ABLIM2: variants seen among roughly 807,000 people sequenced by gnomAD.
The protein encoded by ABLIM2 is actin-binding LIM protein 2.
A neutral mutation model predicts 97.7 loss-of-function variants in ABLIM2; 53 were observed. The observed-to-expected ratio is 0.54, with a 90% CI of 0.44 to 0.68. ABLIM2 has a LOEUF of 0.68. ABLIM2 is among the 30% of genes least tolerant of loss of function. ABLIM2 has a pLI of 0.00. For synonymous variants in ABLIM2, 361 were observed against 345.8 expected, an observed-to-expected ratio of 1.04 and a Z score of -0.49; for missense variants, 835 against 867.2, an observed-to-expected ratio of 0.96 and a Z score of 0.47.
chr4:8,099,014 C>T (rs1002363949), intron 2 of ABLIM2, among the ~76,000 whole-genome samples: 1 of 152,222 alleles, frequency 6.6e-6, no homozygotes, highest in Non-Finnish European at 1.5e-5. Flanking sequence ...CGTTCCGGGG[C>T]GTTTATGAGA....
intron 9 of ABLIM2, among the ~76,000 whole-genome samples, chr4:8,039,882 T>TG (rs1787113565): frequency 7.0e-6 from 1 of 142,130 alleles, no homozygotes; most frequent in Non-Finnish European, 1.5e-5. Flanking sequence ...CTGTTTTTTT[T>TG]TTTTTTTTTT....
chr4:7,974,205 A>C (rs1455210299), intron 20 of ABLIM2, among the ~76,000 whole-genome samples: 3 of 151,782 alleles, frequency 2.0e-5, no homozygotes, highest in Non-Finnish European at 2.9e-5. Flanking sequence ...CCATCCATCC[A>C]CCCACCTACC....
intron 9 of ABLIM2, among the ~76,000 whole-genome samples, chr4:8,039,795 G>C (rs1220933731): frequency 6.6e-6 from 1 of 151,416 alleles, no homozygotes; most frequent in Non-Finnish European, 1.5e-5. Context: ...AGACCTGAAG[G>C]GTATCTCAGA....
chr4:8,080,547 A>T lies in ABLIM2; in HGVS notation c.581+129T>A, dbSNP rs192064371. On this transcript the variant is annotated intron_variant, in intron 5 of 20. Coordinates refer to ENST00000447017, the MANE Select transcript of ABLIM2 (RefSeq NM_001130083.2). ...CATGCTTCTCACCCAGCAGCAGGGC[A>T]GTAGTAGCTGTGTGAGGAATAGGAG... The T allele has an allele frequency of 2.4e-5, 26 of 1,069,782 alleles. No homozygotes were observed. The African/African-American group carries it at 3.8e-4, about 16-fold the overall frequency. The allele number at this position is 1,069,782 out of a possible 1,614,324, so 66.3% of individuals were successfully genotyped here.
chr4:7,983,890 T>C (rs1741128246), intron 18 of ABLIM2, among the ~76,000 whole-genome samples: 1 of 152,252 alleles, frequency 6.6e-6, no homozygotes, highest in African/African-American at 2.4e-5. Flanking sequence ...TTTACCTGCC[T>C]GTACAGCGGG....
chr4:7,983,564 AG>A lies in ABLIM2; in HGVS notation c.1736-11del. On this transcript the variant is annotated splice_polypyrimidine_tract_variant and intron_variant, in intron 18 of 20. Coordinates refer to ENST00000447017, the MANE Select transcript of ABLIM2 (RefSeq NM_001130083.2). ...CCGCTTACCTTGTATTCTGTAAGAG[AG>A]AGAGAGCGGAGACCACGAAATGGTT... 1 of 1,613,178 alleles carries A rather than the reference AG, an allele frequency of 6.2e-7. No homozygotes were observed. The highest frequency in any genetic ancestry group is 1.3e-5 in the African/African-American group (1 of 75,042).
intron 17 of ABLIM2, among the ~76,000 whole-genome samples, chr4:7,985,267 G>A (rs376390497): frequency 5.3e-5 from 8 of 152,292 alleles, no homozygotes; most frequent in African/African-American, 9.6e-5. Flanking sequence ...ATTTCTTTGC[G>A]CACGCTGCGC....
In ABLIM2 at chr4:8,124,430, C is replaced by T. The variant is rs1007037869; in HGVS notation, c.11-17793G>A. ...TTTACTGTCACTCCCGTTTTCCCTC[C>T]GCAGCCCCTGGTAACAACTGGTCTG... is the stretch of plus-strand genomic sequence containing the variant. On this transcript the variant is annotated intron_variant, in intron 1 of 20. Transcript: ENST00000447017. This position sits in a 1 kb window ranked among gnomAD's most constrained non-coding sequence, Gnocchi z 6.1. Among the ~76,000 whole-genome samples the T allele has an allele frequency of 2.2e-4, 33 of 152,284 alleles. No homozygotes were observed. The highest frequency in any genetic ancestry group is 6.2e-4 in the South Asian group (3 of 4,812).
chr4:8,093,866 A>T (rs1234443374), intron 3 of ABLIM2, among the ~76,000 whole-genome samples: 1 of 152,186 alleles, frequency 6.6e-6, no homozygotes, highest in Non-Finnish European at 1.5e-5. Flanking sequence ...GTTCATTGAA[A>T]TACTTGGATT....
At position 8,003,060 on chromosome 4, in the gene ABLIM2, GC is replaced by G. The variant is rs1246312014; in HGVS notation, c.1618+4998del. The stretch of plus-strand genomic sequence containing the variant: ...CAGACAGGGAACTTTGTCTGTTTTG[GC>G]CTCTGCTCTGTCCCCAGCACCCAGG... On this transcript the variant is annotated intron_variant, in intron 16 of 20. Transcript: ENST00000447017. This position sits in a 1 kb window ranked among gnomAD's most constrained non-coding sequence, Gnocchi z 4.2. Among the ~76,000 whole-genome samples, 4 of 152,272 alleles carry G rather than the reference GC, an allele frequency of 2.6e-5. No homozygotes were observed. The East Asian group carries it at 7.7e-4, about 29-fold the overall frequency.
intron 1 of ABLIM2, 24 bp downstream of exon 1, chr4:8,158,656 G>T: frequency 6.7e-7 from 1 of 1,503,656 alleles, no homozygotes. Flanking sequence ...GGGACCCGTT[G>T]GTCCCTCGGT....
At position 8,056,655 on chromosome 4, in the gene ABLIM2, G is replaced by A. The variant is rs536959881; in HGVS notation, c.764-2409C>T. Among the ~76,000 whole-genome samples, 15 of 151,688 alleles carry A rather than the reference G, an allele frequency of 9.9e-5. No homozygotes were observed. The South Asian group carries it at 1.0e-3, about 11-fold the overall frequency. ...TGCTTAAAAATGTCTTGAACAGGCC[G>A]GGTGCTGTGGCTCACACCTGTAATC... is the stretch of plus-strand genomic sequence containing the variant. On this transcript the variant is annotated intron_variant, in intron 7 of 20. Transcript: ENST00000447017.
In ABLIM2 at chr4:8,123,827, AG is replaced by A. The variant is rs1317170243; in HGVS notation, c.11-17191del. Among the ~76,000 whole-genome samples, 2 of 152,052 alleles carry A rather than the reference AG, an allele frequency of 1.3e-5. No individual in the cohort carries two copies. The highest frequency in any genetic ancestry group is 4.8e-5 in the African/African-American group (2 of 41,392). ...GGCTCCACCCGGACAGGCCAAGAGG[AG>A]GGGCAGGAGGTGGCACGGGGTGGGA... On this transcript the variant is annotated intron_variant, in intron 1 of 20. Transcript: ENST00000447017. This position sits in a 1 kb window ranked among gnomAD's most constrained non-coding sequence, Gnocchi z 6.2.
chr4:8,050,324 A>C (rs1795147499), intron 8 of ABLIM2, among the ~76,000 whole-genome samples: 1 of 152,156 alleles, frequency 6.6e-6, no homozygotes, highest in Non-Finnish European at 1.5e-5. Context: ...CCCATGGTGC[A>C]GAAGGGGCAG....
At chr4:8,008,296 A>G (rs1762678810) in intron 15 of ABLIM2, 96 bp from the exon 16 acceptor site, 3 of 1,211,204 alleles carry the variant, frequency 2.5e-6, no homozygotes, top group Non-Finnish European at 3.5e-6. Context: ...TACTTCTAAC[A>G]TACGAGCTGA....
At position 8,130,440 on chromosome 4, in the gene ABLIM2, G is replaced by T. The variant is rs952162284; in HGVS notation, c.11-23803C>A. On this transcript the variant is annotated intron_variant, in intron 1 of 20. Transcript: ENST00000447017. This position sits in a 1 kb window ranked among gnomAD's most constrained non-coding sequence, Gnocchi z 4.2. ...TGGCTCAAGACCAACAACTGCAGGG[G>T]CTATGGCAGGGAGAGTGGACGCCGG... Among the ~76,000 whole-genome samples the T allele has an allele frequency of 1.3e-5, 2 of 152,238 alleles. No homozygotes were observed. Among genetic ancestry groups the T allele is most frequent in the African/African-American group, 4.8e-5 (2 of 41,468 alleles).
chr4:8,096,595 C>A (rs1200676487), intron 3 of ABLIM2, among the ~76,000 whole-genome samples: 1 of 152,258 alleles, frequency 6.6e-6, no homozygotes, highest in Non-Finnish European at 1.5e-5. Context: ...TTGAAAACGT[C>A]CCCTGCAAAC....
chr4:8,108,466 C>G (rs112261921), intron 1 of ABLIM2, among the ~76,000 whole-genome samples: 119 of 152,366 alleles, frequency 7.8e-4, no homozygotes, highest in African/African-American at 2.7e-3. Flanking sequence ...CCACGGTACC[C>G]AGCCGGGAAG....
intron 1 of ABLIM2, among the ~76,000 whole-genome samples, chr4:8,137,612 C>T (rs1198292928): frequency 2.6e-5 from 4 of 152,204 alleles, no homozygotes; most frequent in Non-Finnish European, 5.9e-5. Flanking sequence ...GTGCAGTTGG[C>T]GAGAGGCAGC....
Sources: allele counts gnomAD v4.1 joint callset (sites outside exome capture counted in the v4.1 genomes callset), GRCh38; gene constraint gnomAD v4.1.1; non-coding constraint Gnocchi (gnomAD v3.1); transcripts MANE v1.5; gene names NCBI Gene and HGNC (gene_info 2026-07-23, HGNC 2026-07-21).